The following ZNF728 variants were observed in gnomAD, a reference collection of about 807,000 sequenced individuals.
ZNF728 encodes the protein zinc finger protein 728.
A neutral mutation model predicts 12.5 loss-of-function variants in ZNF728; 12 were observed. That is an observed-to-expected ratio of 0.96 (90% CI 0.61 to 1.55). The LOEUF is 1.55. ZNF728 is among the 40% of genes most tolerant of loss of function. ZNF728 has a pLI of 0.00. For missense variants in ZNF728, 692 were observed against 719.2 expected (o/e 0.96, Z 0.43); for synonymous variants, 205 against 240.7 (o/e 0.85, Z 1.37).
rs774706692 is a variant in ZNF728 at position 22,976,836 on chromosome 19, A to G, written c.501T>C (p.His167=). The change falls in exon 4 of 4, where the codon CAT becomes CAC. Residue 167 remains histidine, a synonymous_variant. Transcript: ENST00000594710. ...TACATTTCAAAAGTTTCTTTCCAGT[A>G]TGCCTTATCTTATGTCTTTTTGAAT... ...CSNSKRHKIR[H]TGKKLLKCKE... 2.5e-6 allele frequency: 4 copies of G among 1,613,380 alleles called. No individual in the cohort carries two copies. The highest frequency in any genetic ancestry group is 3.4e-6 in the Non-Finnish European group (4 of 1,179,744).
chr19:22,976,506 ACTTCT>A lies in ZNF728; in HGVS notation c.826_830del (p.Arg276SerfsTer10). 2 of 1,612,956 alleles carry A rather than the reference ACTTCT, an allele frequency of 1.2e-6. No individual in the cohort carries two copies. Among genetic ancestry groups the A allele is most frequent in the Non-Finnish European group, 1.7e-6 (2 of 1,179,952 alleles). The stretch of plus-strand genomic sequence containing the variant: ...ATTTGTAGGGTTTCTCTCCAGCATG[ACTTCT>A]CTTATGTTCAATAAGGCTTGAGGAC... On this transcript the variant is annotated frameshift_variant, in exon 4 of 4. Coordinates refer to ENST00000594710, the MANE Select transcript of ZNF728 (RefSeq NM_001267716.2). LOFTEE classifies it low-confidence loss of function (END_TRUNC).
At chr19:22,982,360 AAG>A (rs1264589654) in intron 3 of ZNF728, among the ~76,000 whole-genome samples, 2 of 152,226 alleles carry the variant, frequency 1.3e-5, no homozygotes, top group African/African-American at 2.4e-5. Flanking sequence ...TCAAGAAAAT[AAG>A]AGAGGACACA....
intron 1 of ZNF728, among the ~76,000 whole-genome samples, chr19:22,996,945 TG>T (rs1214666036): frequency 5.3e-5 from 8 of 152,090 alleles, no homozygotes; most frequent in Non-Finnish European, 1.2e-4. Context: ...AGGATGTTTA[TG>T]GGGGGAAAAG....
intron 1 of ZNF728, 73 bp downstream of exon 1, chr19:23,002,955 C>A: frequency 6.3e-7 from 1 of 1,579,762 alleles, no homozygotes; most frequent in Non-Finnish European, 8.6e-7. Context: ...GCCTGAGTCC[C>A]GCCACAGCCA....
chr19:22,995,547 CCTGT>C (rs1261238964), intron 1 of ZNF728: 2 of 152,082 alleles, frequency 1.3e-5, no homozygotes, highest in African/African-American at 4.8e-5. Context: ...AAGTGATTCT[CCTGT>C]CTGAGCCTCA....
rs139719634 is a variant in ZNF728, at chr19:22,989,166, T to A, written c.4-715A>T. ...GACATGTTGAGTTAGAAGGTATCAC[T>A]CAAATTTTAATGTGTACAATAAGCT... On this transcript the variant is annotated intron_variant, in intron 1 of 3. Transcript: ENST00000594710. Among the ~76,000 whole-genome samples, 741 of 151,612 alleles carry A rather than the reference T, an allele frequency of 4.9e-3. 7 individuals are homozygous for A. The highest frequency in any genetic ancestry group is 9.1e-3 in the Admixed American group (138 of 15,214).
At position 22,976,544 on chromosome 19, in the gene ZNF728, A is replaced by G; in HGVS notation, c.793T>C (p.Phe265Leu). 1 of 1,612,742 alleles carries G rather than the reference A, an allele frequency of 6.2e-7. No homozygotes were observed. ...HYKCEECGKA[F>L]TRSSSLIEHK... The stretch of plus-strand genomic sequence containing the variant: ...TCAATAAGGCTTGAGGACCGGGTGA[A>G]GGCTTTGCCACATTCTTCACATTTG... Residue 265 changes from phenylalanine (F) to leucine (L), a missense_variant, in exon 4 of 4, where the codon TTC becomes CTC. Phe to Leu is a conservative substitution (Grantham distance 22). Coordinates refer to ENST00000594710, the MANE Select transcript of ZNF728 (RefSeq NM_001267716.2).
chr19:22,982,703 C>T (rs777677281), intron 3 of ZNF728, among the ~76,000 whole-genome samples: 12 of 151,908 alleles, frequency 7.9e-5, no homozygotes, highest in Non-Finnish European at 1.3e-4. Flanking sequence ...TCAGAAATAA[C>T]AACACAGATC....
chr19:22,988,433 C>T lies in ZNF728; in HGVS notation c.22G>A (p.Asp8Asn), dbSNP rs1405220531. Residue 8 changes from aspartate (D) to asparagine (N), a missense_variant, in exon 2 of 4, where the codon GAT (aspartate) becomes AAT (asparagine). Around this residue, in one of 3 missense-constraint regions of ZNF728, gnomAD observed 440 missense variants for 459.6 expected, o/e 0.96. Transcript: ENST00000594710. The part of the protein sequence containing the change: MGSLTFR[D>N]VAIQFSLEEW... ...TCCAGAGAGAATTGTATGGCCACAT[C>T]CCGAAATGTCAACGATCCCTGGAAA... The T allele has an allele frequency of 1.2e-6, 2 of 1,613,894 alleles. No individual in the cohort carries two copies. Among genetic ancestry groups the T allele is most frequent in the African/African-American group, 2.7e-5 (2 of 74,896 alleles).
chr19:22,979,046 G>A (rs1199358696), intron 3 of ZNF728, among the ~76,000 whole-genome samples: 5 of 152,106 alleles, frequency 3.3e-5, no homozygotes, highest in Non-Finnish European at 7.4e-5. Flanking sequence ...AGAGGTGGGT[G>A]GGTAATAACA....
At chr19:22,980,847 C>A (rs984683534) in intron 3 of ZNF728, among the ~76,000 whole-genome samples, 8 of 151,980 alleles carry the variant, frequency 5.3e-5, no homozygotes, top group African/African-American at 1.9e-4. Context: ...ACACAACATA[C>A]CAGAATCTCT....
In ZNF728 at chr19:23,003,079, C is replaced by T; in HGVS notation, c.-49G>A. The T allele has an allele frequency of 6.4e-7, 1 of 1,562,916 alleles. No homozygotes were observed. Among genetic ancestry groups the T allele is most frequent in the Non-Finnish European group, 8.7e-7 (1 of 1,155,218 alleles). On this transcript the variant is annotated 5_prime_UTR_variant, in exon 1 of 4. Coordinates refer to ENST00000594710, the MANE Select transcript of ZNF728 (RefSeq NM_001267716.2). ...CGACTTAGTTGTGAATCTCCCAATA[C>T]CTGCAGGTCACAGGGCCATAGAAGC...
chr19:22,988,071 G>T (rs1318773152), intron 2 of ZNF728, among the ~76,000 whole-genome samples: 6 of 152,032 alleles, frequency 3.9e-5, no homozygotes, highest in African/African-American at 1.2e-4. Context: ...GTCATGCAGG[G>T]TTGTACTAAG....
chr19:22,992,182 GC>G (rs1308544716), intron 1 of ZNF728, among the ~76,000 whole-genome samples: 1 of 152,106 alleles, frequency 6.6e-6, no homozygotes, highest in Non-Finnish European at 1.5e-5. Context: ...ATTTCCAGTT[GC>G]TAGTCTAGAC....
intron 3 of ZNF728, among the ~76,000 whole-genome samples, chr19:22,981,823 T>C (rs1163543280): frequency 6.6e-6 from 1 of 152,122 alleles, no homozygotes; most frequent in Non-Finnish European, 1.5e-5. Flanking sequence ...TCGACAAAAT[T>C]CAATACCCCT....
At chr19:22,989,592 T>C (rs1442158991) in intron 1 of ZNF728, among the ~76,000 whole-genome samples, 1 of 152,178 alleles carries the variant, frequency 6.6e-6, no homozygotes, top group Non-Finnish European at 1.5e-5. Flanking sequence ...ATTTTTATAA[T>C]GTCCTGATGC....
intron 1 of ZNF728, among the ~76,000 whole-genome samples, chr19:22,988,944 G>A (rs763447245): frequency 6.6e-6 from 1 of 151,178 alleles, no homozygotes; most frequent in Non-Finnish European, 1.5e-5. Context: ...CTAGCTACTT[G>A]GGAGGCTGAG....
intron 3 of ZNF728, among the ~76,000 whole-genome samples, chr19:22,983,769 C>G (rs1282203349): frequency 6.6e-6 from 1 of 152,098 alleles, no homozygotes; most frequent in African/African-American, 2.4e-5. Context: ...GAAAATCAAA[C>G]TAGCATGTTG....
At chr19:22,999,700 CA>C (rs1051984137) in intron 1 of ZNF728, among the ~76,000 whole-genome samples, 1 of 152,040 alleles carries the variant, frequency 6.6e-6, no homozygotes, top group Non-Finnish European at 1.5e-5. Context: ...GTAAGAGAAG[CA>C]AATGTATTTA....
Sources: gnomAD v4.1 joint callset for allele counts (sites outside exome capture counted in the v4.1 genomes callset) on GRCh38, gnomAD v4.1.1 for gene constraint, gnomAD v4.1.1 regional missense constraint, MANE v1.5 for transcripts, NCBI Gene and HGNC (gene_info 2026-07-23, HGNC 2026-07-21) for gene names.